Variants in ZNF653 observed in about 807,000 individuals in gnomAD.
The protein encoded by ZNF653 is 67 kDa zinc finger protein.
A neutral mutation model predicts 59.9 loss-of-function variants in ZNF653; 37 were observed. The ratio of observed to expected loss-of-function variants is 0.62; its 90% CI spans 0.48 to 0.81. The LOEUF (loss-of-function observed/expected upper bound fraction) is 0.81. ZNF653 is among the 40% of genes least tolerant of loss of function. The probability of loss-of-function intolerance (pLI) is 0.00; values close to 1 mark genes in which losing one functional copy is unlikely to be tolerated. For missense variants in ZNF653, 808 were observed against 881.1 expected (o/e 0.92, Z 1.05); for synonymous variants, 435 against 371.8 (o/e 1.17, Z -1.96).
Position 11,495,878 on chromosome 19 carries a change from T to A in ZNF653, c.559+72A>T. The A allele has an allele frequency of 6.8e-7, 1 of 1,464,172 alleles. No individual in the cohort carries two copies. Among genetic ancestry groups the A allele is most frequent in the Middle Eastern group, 2.2e-4 (1 of 4,532 alleles). The allele number at this position is 1,464,172 out of a possible 1,614,324, so 90.7% of individuals were successfully genotyped here. The stretch of plus-strand genomic sequence containing the variant: ...ACTGTGGCTGCTATTCTGTTTGTGA[T>A]GCTAGCCTAGGGCTCGTAAGAAGCC... On this transcript the variant is annotated intron_variant, in intron 3 of 8. Coordinates refer to ENST00000293771, the MANE Select transcript of ZNF653 (RefSeq NM_138783.4). The surrounding 1 kb of genome is among the most constrained non-coding windows in gnomAD (Gnocchi z 4.9).
rs1407438104 is a variant in ZNF653, at chr19:11,483,667, C to G, written c.*15G>C. Reference sequence around the variant, plus strand: ...GAGCGGACGAATAAATAGGGGCGGTCAGTGGTCAGGTGGGTCAGGTGGGCT... The same window carrying G: ...GAGCGGACGAATAAATAGGGGCGGTGAGTGGTCAGGTGGGTCAGGTGGGCT... On this transcript the variant is annotated 3_prime_UTR_variant, in exon 9 of 9. Transcript: ENST00000293771. 1 of 1,604,586 alleles carries G rather than the reference C, an allele frequency of 6.2e-7. No homozygotes were observed. The highest frequency in any genetic ancestry group is 8.5e-7 in the Non-Finnish European group (1 of 1,172,332).
Position 11,495,788 on chromosome 19 carries a change from C to G in ZNF653, c.559+162G>C. 4 of 713,206 alleles carry G rather than the reference C, an allele frequency of 5.6e-6. No individual in the cohort carries two copies. Among genetic ancestry groups the G allele is most frequent in the Middle Eastern group, 4.0e-4 (1 of 2,498 alleles). The allele number at this position is 713,206 out of a possible 1,614,324, so 44.2% of individuals were successfully genotyped here. On this transcript the variant is annotated intron_variant, in intron 3 of 8. Transcript: ENST00000293771. The surrounding 1 kb of genome is among the most constrained non-coding windows in gnomAD (Gnocchi z 4.9). ...TAAGGACGCAAAGAGGGCAAGGCCACGAAGGACTCAGCCTGGCCCATCGTG... is the reference window on the plus strand; with the variant it reads ...TAAGGACGCAAAGAGGGCAAGGCCAGGAAGGACTCAGCCTGGCCCATCGTG...
chr19:11,501,205 C>G (rs78971982), intron 1 of ZNF653, among the ~76,000 whole-genome samples: 6,730 of 149,938 alleles, frequency 0.045, 191 homozygotes, highest in East Asian at 0.078. Context: ...TTGAGACAGG[C>G]TCTCGTGGTG....
At chr19:11,491,128 C>T (rs1268844686) in intron 3 of ZNF653, among the ~76,000 whole-genome samples, 1 of 152,212 alleles carries the variant, frequency 6.6e-6, no homozygotes, top group African/African-American at 2.4e-5. Context: ...TTTGGGTCCC[C>T]GGCTCCTAAG....
Position 11,505,737 on chromosome 19 carries a change from C to G in ZNF653, c.50G>C (p.Gly17Ala). 1.4e-6 allele frequency: 2 copies of G among 1,447,308 alleles called. No homozygotes were observed. Among genetic ancestry groups the G allele is most frequent in the Non-Finnish European group, 1.8e-6 (2 of 1,110,220 alleles). 89.7% of individuals were successfully genotyped at this position (1,447,308 alleles called of 1,614,324 possible). A position where few individuals can be genotyped will look rare whatever the true frequency, so the allele number is the denominator to read the frequency against. ...CTCGGCTGCTGCCTCCCCGCCCGCG[C>G]CCGCCTCAGCCTCCGCCTCCGCCTC... ...EPEAEAEAEA[G>A]AGGEAAAEEG... The change falls in exon 1 of 9, where the codon GGC (glycine) becomes GCC (alanine). Residue 17 changes from glycine (G) to alanine (A), a missense_variant. Coordinates refer to ENST00000293771, the MANE Select transcript of ZNF653 (RefSeq NM_138783.4).
chr19:11,490,217 C>A (rs1971516195), intron 3 of ZNF653, among the ~76,000 whole-genome samples: 1 of 152,152 alleles, frequency 6.6e-6, no homozygotes, highest in African/African-American at 2.4e-5. Context: ...AGCTTTATTA[C>A]AAAGGATTCA....
chr19:11,485,828 G>T, intron 6 of ZNF653, 58 bp from the exon 7 acceptor site: 3 of 1,401,644 alleles, frequency 2.1e-6, no homozygotes, highest in Non-Finnish European at 3.0e-6. Context: ...GCTCTGGGAG[G>T]TGGGGAGAGA....
chr19:11,498,457 T>C (rs200994289), intron 1 of ZNF653, 118 bp from the exon 2 acceptor site: 2 of 1,308,506 alleles, frequency 1.5e-6, no homozygotes, highest in African/African-American at 1.9e-5. Flanking sequence ...AAATCTGAAC[T>C]TTTTGAGATG....
At position 11,484,022 on chromosome 19, in the gene ZNF653, C is replaced by T. The variant is rs765393036; in HGVS notation, c.1670+20G>A. 7.7e-6 allele frequency: 12 copies of T among 1,549,938 alleles called. No homozygotes were observed. The highest frequency in any genetic ancestry group is 6.8e-5 in the African/African-American group (5 of 73,104). ...CCTCCCACCCAATCCTCTAGCGGCA[C>T]GGGGCGGCCTGTCACTCACTGCAGG... is the stretch of plus-strand genomic sequence containing the variant. On this transcript the variant is annotated intron_variant, in intron 8 of 8. Transcript: ENST00000293771.
intron 1 of ZNF653, among the ~76,000 whole-genome samples, chr19:11,502,890 C>T (rs1158006590): frequency 2.0e-5 from 3 of 151,718 alleles, no homozygotes; most frequent in Admixed American, 6.6e-5. Flanking sequence ...AAAAATTAGC[C>T]GGGCATGGGG....
chr19:11,483,484 G>T lies in ZNF653; in HGVS notation c.*198C>A. Reference sequence around the variant, plus strand: ...CTCTTGACACAGTTCCAGCAATGCAGCCCCAGGCACCAGCTCCGAGAAGGA... The same window carrying T: ...CTCTTGACACAGTTCCAGCAATGCATCCCCAGGCACCAGCTCCGAGAAGGA... On this transcript the variant is annotated 3_prime_UTR_variant, in exon 9 of 9. Transcript: ENST00000293771. The T allele has an allele frequency of 7.2e-7, 1 of 1,390,728 alleles. No homozygotes were observed. Among genetic ancestry groups the T allele is most frequent in the Non-Finnish European group, 9.3e-7 (1 of 1,073,950 alleles). 86.1% of individuals were successfully genotyped at this position (1,390,728 alleles called of 1,614,324 possible). A position where few individuals can be genotyped will look rare whatever the true frequency, so the allele number is the denominator to read the frequency against.
Position 11,495,855 on chromosome 19 carries a change from T to C in ZNF653, c.559+95A>G, listed in dbSNP as rs1281787228. On this transcript the variant is annotated intron_variant, in intron 3 of 8. Coordinates refer to ENST00000293771, the MANE Select transcript of ZNF653 (RefSeq NM_138783.4). The surrounding 1 kb of genome is among the most constrained non-coding windows in gnomAD (Gnocchi z 4.9). ...GTGCCAGAGCCAGAGCCAGAGCCAC[T>C]GTGGCTGCTATTCTGTTTGTGATGC... The C allele has an allele frequency of 1.5e-6, 2 of 1,299,496 alleles. No individual in the cohort carries two copies. The highest frequency in any genetic ancestry group is 2.1e-5 in the Admixed American group (1 of 47,982). 80.5% of individuals were successfully genotyped at this position (1,299,496 alleles called of 1,614,324 possible).
chr19:11,483,745 G>A lies in ZNF653; in HGVS notation c.1785C>T (p.Phe595=), dbSNP rs746011359. The A allele has an allele frequency of 3.5e-5, 56 of 1,613,552 alleles. No individual in the cohort carries two copies. The South Asian group carries it at 5.5e-4, about 16-fold the overall frequency. Residue 595 remains phenylalanine, a synonymous_variant, in exon 9 of 9, where the codon TTC becomes TTT. Coordinates refer to ENST00000293771, the MANE Select transcript of ZNF653 (RefSeq NM_138783.4). ...GGAACTTGACGCTGTCCAGCTTCTC[G>A]AAGCGCTTCCCGCAGCGATCGCACG... ...NFTCDRCGKR[F]EKLDSVKFHT...
At chr19:11,500,424 T>C (rs1971631642) in intron 1 of ZNF653, among the ~76,000 whole-genome samples, 1 of 152,136 alleles carries the variant, frequency 6.6e-6, no homozygotes, top group South Asian at 2.1e-4. Context: ...AACCTCTGCC[T>C]CCTGGGTTCA....
chr19:11,504,476 C>T, intron 1 of ZNF653: 3 of 976,566 alleles, frequency 3.1e-6, no homozygotes, highest in Non-Finnish European at 3.7e-6. Context: ...CTCTGCCCAC[C>T]AGAATGTCCG....
chr19:11,487,649 C>T lies in ZNF653; in HGVS notation c.814G>A (p.Ala272Thr), dbSNP rs757837190. 6.2e-7 allele frequency: 1 copy of T among 1,613,886 alleles called. No individual in the cohort carries two copies. Among genetic ancestry groups the T allele is most frequent in the South Asian group, 1.1e-5 (1 of 91,090 alleles). The change falls in exon 4 of 9, where the codon GCC becomes ACC. Residue 272 changes from alanine (A) to threonine (T), a missense_variant. Transcript: ENST00000293771. This position sits in a 1 kb window ranked among gnomAD's most constrained non-coding sequence, Gnocchi z 5.1. ...CSNPAGNGPEALETVVCVPVP... is the reference protein window; with the variant it reads ...CSNPAGNGPETLETVVCVPVP... ...GGCACGCACACCACTGTCTCCAGGG[C>T]TTCAGGCCCATTGCCTGCTGGGTTG...
At position 11,487,800 on chromosome 19, in the gene ZNF653, C is replaced by T. The variant is rs549091245; in HGVS notation, c.663G>A (p.Ala221=). 2.6e-5 allele frequency: 42 copies of T among 1,612,310 alleles called. No homozygotes were observed. Among genetic ancestry groups the T allele is most frequent in the East Asian group, 6.7e-5 (3 of 44,838 alleles). ...GGCTGGTGGGCGTCGCTGCCGCTGC[C>T]GCTGCCGCAGCCTTGACCGGCTGGC... ...PEGQPVKAAA[A]AAAATPTSPV... is the part of the protein sequence containing the mutation. Residue 221 remains alanine, a synonymous_variant, in exon 4 of 9, where the codon GCG becomes GCA. Transcript: ENST00000293771. The surrounding 1 kb of genome is among the most constrained non-coding windows in gnomAD (Gnocchi z 5.1).
Position 11,505,693 on chromosome 19 carries a change from T to C in ZNF653, c.94A>G (p.Lys32Glu), listed in dbSNP as rs769396508. 6.7e-7 allele frequency: 1 copy of C among 1,487,136 alleles called. No individual in the cohort carries two copies. Among genetic ancestry groups the C allele is most frequent in the South Asian group, 1.3e-5 (1 of 78,706 alleles). The allele number at this position is 1,487,136 out of a possible 1,614,324, so 92.1% of individuals were successfully genotyped here. Residue 32 changes from lysine to glutamate, a missense_variant, in exon 1 of 9, where the codon AAG becomes GAG. Physicochemically the swap from Lys to Glu is moderately conservative, Grantham distance 56. Transcript: ENST00000293771. ...AAAEEGAAGR[K>E]ARGRPRLTES... ...GTGAGTCGCGGCCGGCCCCGCGCCT[T>C]TCGGCCCGCTGCGCCCTCCTCGGCT...
chr19:11,487,771 ACCGGGCTGGTGGGCGTCGCTG>A lies in ZNF653; in HGVS notation c.671_691del (p.Ala224_Pro230del), dbSNP rs1300217659. 1 of 1,612,754 alleles carries A rather than the reference ACCGGGCTGGTGGGCGTCGCTG, an allele frequency of 6.2e-7. No homozygotes were observed. The highest frequency in any genetic ancestry group is 2.2e-5 in the East Asian group (1 of 44,840). ...CTGAGTGATGAGCCCGCTGCTGCCC[ACCGGGCTGGTGGGCGTCGCTG>A]CCGCTGCCGCTGCCGCAGCCTTGAC... On this transcript the variant is annotated inframe_deletion, in exon 4 of 9. Coordinates refer to ENST00000293771, the MANE Select transcript of ZNF653 (RefSeq NM_138783.4). The surrounding 1 kb of genome is among the most constrained non-coding windows in gnomAD (Gnocchi z 5.1).
Sources: gnomAD v4.1 joint callset for allele counts (sites outside exome capture counted in the v4.1 genomes callset) on GRCh38, gnomAD v4.1.1 for gene constraint, Gnocchi (gnomAD v3.1) non-coding constraint, MANE v1.5 for transcripts, NCBI Gene and HGNC (gene_info 2026-07-23, HGNC 2026-07-21) for gene names.